Variants in CDK5RAP2 observed in about 807,000 individuals in gnomAD.
The protein encoded by CDK5RAP2 is CDK5 regulatory subunit-associated protein 2.
Under a neutral mutation model 232.9 loss-of-function variants are expected in CDK5RAP2, and 147 were observed. The ratio of observed to expected loss-of-function variants is 0.63; its 90% CI spans 0.55 to 0.72. The LOEUF (loss-of-function observed/expected upper bound fraction) is 0.72, where lower values mean the gene tolerates loss of function less well. CDK5RAP2 is among the 30% of genes least tolerant of loss of function. The probability of loss-of-function intolerance (pLI) is 0.00; values close to 1 mark genes in which losing one functional copy is unlikely to be tolerated. For missense variants in CDK5RAP2, 2,195 were observed against 2,231.5 expected (o/e 0.98, Z 0.33); for synonymous variants, 833 against 833.7 (o/e 1.00, Z 0.01).
At chr9:120,390,172 G>A in intron 36 of CDK5RAP2, 1 of 229,234 alleles carries the variant, frequency 4.4e-6, no homozygotes, top group Non-Finnish European at 9.0e-6. Context: ...GCCTGGGCCT[G>A]CCCAGCACTC....
intron 20 of CDK5RAP2, among the ~76,000 whole-genome samples, chr9:120,455,519 T>C (rs1272532143): frequency 6.6e-6 from 1 of 152,014 alleles, no homozygotes; most frequent in Non-Finnish European, 1.5e-5. Flanking sequence ...GGCAGGCAGA[T>C]AGTTTGAGCT....
At chr9:120,426,012 T>G (rs116720413) in intron 25 of CDK5RAP2, among the ~76,000 whole-genome samples, 6,265 of 151,788 alleles carry the variant, frequency 0.041, 417 homozygotes, top group African/African-American at 0.14. Flanking sequence ...TTCGGGGAGG[T>G]GGCAATGGAG....
intron 21 of CDK5RAP2, among the ~76,000 whole-genome samples, chr9:120,449,378 G>A (rs1005622275): frequency 2.6e-5 from 4 of 152,144 alleles, no homozygotes; most frequent in African/African-American, 4.8e-5. Context: ...GAGAACCTTA[G>A]TATCATTTTA....
At position 120,415,035 on chromosome 9, in the gene CDK5RAP2, C is replaced by T. The variant is rs201798027; in HGVS notation, c.4297+5G>A. ...GTACAGTCCTCCAGGAAGGTCTTTCCTTACCTTGAACAAATTCAGATCCTT... is the reference window on the plus strand; with the variant it reads ...GTACAGTCCTCCAGGAAGGTCTTTCTTTACCTTGAACAAATTCAGATCCTT... On this transcript the variant is annotated splice_donor_5th_base_variant and intron_variant, in intron 28 of 37. Transcript: ENST00000349780. 2.5e-5 allele frequency: 41 copies of T among 1,614,128 alleles called. No individual in the cohort carries two copies. In the African/African-American group the frequency reaches 5.3e-4, roughly 21 times the overall value.
intron 21 of CDK5RAP2, among the ~76,000 whole-genome samples, chr9:120,452,164 G>A (rs1485468090): frequency 6.6e-6 from 1 of 151,862 alleles, no homozygotes; most frequent in Non-Finnish European, 1.5e-5. Context: ...TGAAGGAGCT[G>A]GGGCAGATGA....
Position 120,491,393 on chromosome 9 carries a change from T to A in CDK5RAP2, c.1396A>T (p.Ser466Cys). Residue 466 changes from serine to cysteine, a missense_variant, in exon 13 of 38, where the codon AGT becomes TGT. Ser to Cys is a moderately radical substitution (Grantham distance 112, BLOSUM62 -1). Coordinates refer to ENST00000349780, the MANE Select transcript of CDK5RAP2 (RefSeq NM_018249.6). ...TTGTGCAATTTTTTATTGCTTTCAC[T>A]CAGAAGACTCTTGTAACGATTTTCC... ...AMENRYKSLL[S>C]ESNKKLHNQE... 1 of 1,612,370 alleles carries A rather than the reference T, an allele frequency of 6.2e-7. No individual in the cohort carries two copies. Among genetic ancestry groups the A allele is most frequent in the Non-Finnish European group, 8.5e-7 (1 of 1,178,706 alleles).
At chr9:120,427,390 T>C (rs1387206760) in intron 25 of CDK5RAP2, among the ~76,000 whole-genome samples, 1 of 152,224 alleles carries the variant, frequency 6.6e-6, no homozygotes, top group Non-Finnish European at 1.5e-5. Flanking sequence ...TGTCATTTCA[T>C]TCTCACAAAC....
At position 120,389,167 on chromosome 9, in the gene CDK5RAP2, A is replaced by C. The variant is rs968196046; in HGVS notation, c.*69T>G. ...CTTTCTTCCTCAATAAATAGGAACC[A>C]CACTTGGAACAAAGAGACAGCGTGA... On this transcript the variant is annotated 3_prime_UTR_variant, in exon 38 of 38. Transcript: ENST00000349780. The C allele has an allele frequency of 7.0e-6, 9 of 1,284,126 alleles. No homozygotes were observed. Among genetic ancestry groups the C allele is most frequent in the Non-Finnish European group, 1.0e-5 (9 of 892,464 alleles). The allele number at this position is 1,284,126 out of a possible 1,614,324, so 79.5% of individuals were successfully genotyped here.
intron 3 of CDK5RAP2, among the ~76,000 whole-genome samples, chr9:120,560,266 G>A: frequency 6.6e-6 from 1 of 152,222 alleles, no homozygotes; most frequent in East Asian, 1.9e-4. Context: ...CCTCACAGGG[G>A]TGTTGTGACA....
At chr9:120,475,982 G>A (rs2037985591) in intron 15 of CDK5RAP2, among the ~76,000 whole-genome samples, 1 of 152,094 alleles carries the variant, frequency 6.6e-6, no homozygotes, top group African/African-American at 2.4e-5. Flanking sequence ...GGATTAGCTG[G>A]GCTGCCTGAC....
rs544171461 is a variant in CDK5RAP2 at position 120,542,776 on chromosome 9, CA to C, written c.383+2937del. 2.6e-5 allele frequency among the ~76,000 whole-genome samples: 4 copies of C among 152,196 alleles called. No homozygotes were observed. In the East Asian group the frequency reaches 5.8e-4, roughly 22 times the overall value. ...CTCAAGACTTTCCCAGCTCCCAGAA[CA>C]ATGATGGAATGTAAATGGAAAGTGT... On this transcript the variant is annotated intron_variant, in intron 5 of 37. Coordinates refer to ENST00000349780, the MANE Select transcript of CDK5RAP2 (RefSeq NM_018249.6).
intron 28 of CDK5RAP2, 129 bp downstream of exon 28, chr9:120,414,911 G>C: frequency 1.8e-6 from 2 of 1,111,772 alleles, no homozygotes; most frequent in South Asian, 1.3e-5. Flanking sequence ...GAGGCTGGCA[G>C]ACTTCTCCAA....
chr9:120,420,406 A>G (rs1218689648), intron 26 of CDK5RAP2, among the ~76,000 whole-genome samples: 2 of 152,142 alleles, frequency 1.3e-5, no homozygotes, highest in Non-Finnish European at 2.9e-5. Context: ...CACAGTTTAG[A>G]TTTCAACCAG....
chr9:120,413,823 A>AGGAGGGAGGGAGGAGGGAGGAGGGAGGAG (rs201665530), intron 28 of CDK5RAP2, among the ~76,000 whole-genome samples: 1 of 108,718 alleles, frequency 9.2e-6, no homozygotes, highest in Admixed American at 9.8e-5. Flanking sequence ...GGGAGGAGGG[A>AGGAGGGAGGGAGGAGGGAGGAGGGAGGAG]GGAGGGAGGA....
intron 12 of CDK5RAP2, among the ~76,000 whole-genome samples, chr9:120,501,483 A>G (rs954901167): frequency 5.3e-5 from 8 of 152,192 alleles, no homozygotes; most frequent in Admixed American, 1.3e-4. Flanking sequence ...GTTTGCTGCT[A>G]TATCTCCAGC....
Position 120,580,038 on chromosome 9 carries a change from C to T in CDK5RAP2, c.-60G>A. Reference sequence around the variant, plus strand: ...GCGGCGGCGCCACTAGTACCCCCCGCGATAGCGACCCGCCGGGCTCCCCAG... The same window carrying T: ...GCGGCGGCGCCACTAGTACCCCCCGTGATAGCGACCCGCCGGGCTCCCCAG... On this transcript the variant is annotated 5_prime_UTR_variant, in exon 1 of 38. Coordinates refer to ENST00000349780, the MANE Select transcript of CDK5RAP2 (RefSeq NM_018249.6). The T allele has an allele frequency of 1.8e-6, 2 of 1,123,314 alleles. No individual in the cohort carries two copies. Among genetic ancestry groups the T allele is most frequent in the East Asian group, 2.5e-5 (1 of 40,006 alleles). 69.6% of individuals were successfully genotyped at this position (1,123,314 alleles called of 1,614,324 possible).
intron 24 of CDK5RAP2, among the ~76,000 whole-genome samples, chr9:120,438,791 T>A (rs922491732): frequency 6.6e-6 from 1 of 152,204 alleles, no homozygotes; most frequent in Admixed American, 6.5e-5. Context: ...GAACAATGTG[T>A]TTGACTCAAA....
Position 120,439,484 on chromosome 9 carries a change from G to C in CDK5RAP2, c.3637C>G (p.Leu1213Val). 2 of 1,614,230 alleles carry C rather than the reference G, an allele frequency of 1.2e-6. No individual in the cohort carries two copies. Among genetic ancestry groups the C allele is most frequent in the Non-Finnish European group, 1.7e-6 (2 of 1,180,028 alleles). ...ATGTTCAAATTCTGCTCCTTCTGCA[G>C]CTTGTATTCCTGTTCCTCCAGCTGC... ...KQQLEEQEYK[L>V]QKEQNLNMQL... The change falls in exon 24 of 38, where the codon CTG becomes GTG. Residue 1213 changes from leucine (L) to valine (V), a missense_variant. Transcript: ENST00000349780.
intron 12 of CDK5RAP2, chr9:120,517,881 G>A (rs770008864): frequency 8.1e-6 from 3 of 370,084 alleles, no homozygotes; most frequent in Middle Eastern, 4.6e-4. Flanking sequence ...GAAACAGAGT[G>A]AGACCCTGTC....
Sources: gnomAD v4.1 joint callset for allele counts (sites outside exome capture counted in the v4.1 genomes callset) on GRCh38, gnomAD v4.1.1 for gene constraint, MANE v1.5 for transcripts, NCBI Gene and HGNC (gene_info 2026-07-23, HGNC 2026-07-21) for gene names.